Variants in DAB1 observed in about 807,000 individuals in gnomAD.
The protein encoded by DAB1 is DAB adaptor protein 1.
A neutral mutation model predicts 64.6 loss-of-function variants in DAB1; 15 were observed. The ratio of observed to expected loss-of-function variants is 0.23; its 90% CI spans 0.16 to 0.36. DAB1 has a LOEUF of 0.36. DAB1 is among the 10% of genes least tolerant of loss of function. DAB1 has a pLI of 1.00. For synonymous variants in DAB1, 235 were observed against 251.9 expected (o/e 0.93, Z 0.64); for missense variants, 596 against 706.7 (o/e 0.84, Z 1.78).
chr1:58,527,822 C>T (rs60384481), intron 1 of DAB1, among the ~76,000 whole-genome samples: 34 of 152,286 alleles, frequency 2.2e-4, no homozygotes, highest in African/African-American at 6.3e-4. Flanking sequence ...ATCTTAATTT[C>T]CTTTTTCTTT....
At chr1:58,416,169 C>T (rs1433369370) in intron 3 of DAB1, among the ~76,000 whole-genome samples, 1 of 152,116 alleles carries the variant, frequency 6.6e-6, no homozygotes, top group Non-Finnish European at 1.5e-5. Flanking sequence ...ACATAGCATA[C>T]TCATGTCAGA....
At chr1:57,048,043 T>TTAC (rs1415420150) in intron 9 of DAB1, among the ~76,000 whole-genome samples, 1 of 152,228 alleles carries the variant, frequency 6.6e-6, no homozygotes, top group Non-Finnish European at 1.5e-5. Context: ...CTTATGTGCA[T>TTAC]TACTTTATTC....
At chr1:57,030,860 A>G (rs1646944671) in intron 9 of DAB1, among the ~76,000 whole-genome samples, 1 of 152,228 alleles carries the variant, frequency 6.6e-6, no homozygotes, top group Non-Finnish European at 1.5e-5. Context: ...ATTCAAATGA[A>G]GCTTCTGGGC....
chr1:58,024,178 A>G (rs1646854028), intron 5 of DAB1, among the ~76,000 whole-genome samples: 1 of 152,194 alleles, frequency 6.6e-6, no homozygotes, highest in Admixed American at 6.5e-5. Context: ...CAATAGATAT[A>G]GTCATAAGAT....
intron 3 of DAB1, among the ~76,000 whole-genome samples, chr1:58,499,314 CAAAAAAAAA>C (rs58217798): frequency 6.7e-4 from 47 of 69,740 alleles, no homozygotes; most frequent in African/African-American, 9.3e-4. Context: ...CACATCTCTA[CAAAAAAAAA>C]AAAAAAAAAA....
chr1:57,616,147 A>G (rs930959386), intron 7 of DAB1, among the ~76,000 whole-genome samples: 1 of 151,930 alleles, frequency 6.6e-6, no homozygotes, highest in Non-Finnish European at 1.5e-5. Context: ...ACACCCCGAC[A>G]TTTCCTTTGC....
At chr1:58,421,561 G>A (rs1644772266) in intron 3 of DAB1, among the ~76,000 whole-genome samples, 1 of 152,230 alleles carries the variant, frequency 6.6e-6, no homozygotes, top group East Asian at 1.9e-4. Flanking sequence ...AAGGTAGCAG[G>A]AGGAGAGAGA....
intron 6 of DAB1, among the ~76,000 whole-genome samples, chr1:57,783,104 TTC>T (rs1491119525): frequency 3.2e-3 from 257 of 80,976 alleles, no homozygotes; most frequent in African/African-American, 9.3e-3. Flanking sequence ...TCTCTCTCTT[TTC>T]TTTTTTTTTT....
intron 9 of DAB1, among the ~76,000 whole-genome samples, chr1:57,028,719 CAA>C (rs1646868879): frequency 6.6e-6 from 1 of 152,112 alleles, no homozygotes; most frequent in Non-Finnish European, 1.5e-5. Context: ...TATGTTTTAG[CAA>C]AGAGACCAGT....
chr1:57,908,213 A>C (rs910849885), intron 5 of DAB1, among the ~76,000 whole-genome samples: 3 of 152,100 alleles, frequency 2.0e-5, no homozygotes, highest in African/African-American at 7.2e-5. Context: ...CCAGGTCCCC[A>C]GAAGTGTATC....
At chr1:57,192,328 GAA>G (rs10714135) in intron 2 of DAB1, among the ~76,000 whole-genome samples, 18,153 of 142,600 alleles carry the variant, frequency 0.13, 1,702 homozygotes, top group East Asian at 0.28. Flanking sequence ...CTCAAAAGCG[GAA>G]AAAAAAAAAA....
Position 58,255,827 on chromosome 1 carries a change from A to G in DAB1, n.309+87525T>C, listed in dbSNP as rs559330537. On this transcript the variant is annotated intron_variant and non_coding_transcript_variant, in intron 4 of 20. Coordinates refer to the DAB1 transcript ENST00000485760. ...TCAAAACTCAACTACTGCTTGTTAA[A>G]TGTCTCTTCCACTTTCATTTAATTT... Among the ~76,000 whole-genome samples, 6 of 152,350 alleles carry G rather than the reference A, an allele frequency of 3.9e-5. No individual in the cohort carries two copies. The East Asian group carries it at 1.2e-3, about 29-fold the overall frequency.
At chr1:57,905,316 A>G (rs113959054) in intron 5 of DAB1, among the ~76,000 whole-genome samples, 2,151 of 152,030 alleles carry the variant, frequency 0.014, 37 homozygotes, top group African/African-American at 0.041. Context: ...GGTGCAAGGA[A>G]AGGGTATCAC....
chr1:58,127,640 G>A (rs1653207924), intron 5 of DAB1, among the ~76,000 whole-genome samples: 1 of 152,162 alleles, frequency 6.6e-6, no homozygotes, highest in African/African-American at 2.4e-5. Context: ...TTTTGTATAA[G>A]GTGTAAGGAA....
At chr1:57,507,834 T>C (rs1024416074) in intron 7 of DAB1, among the ~76,000 whole-genome samples, 1 of 152,184 alleles carries the variant, frequency 6.6e-6, no homozygotes, top group Non-Finnish European at 1.5e-5. Context: ...CTTCACTCCT[T>C]TTCCCTGCCT....
chr1:57,318,390 T>C (rs1321130740), intron 1 of DAB1, among the ~76,000 whole-genome samples: 3 of 152,124 alleles, frequency 2.0e-5, no homozygotes, highest in Non-Finnish European at 4.4e-5. Context: ...TTTTACAACT[T>C]TATGCCCTTT....
chr1:58,332,078 C>T (rs1388189139), intron 4 of DAB1, among the ~76,000 whole-genome samples: 1 of 152,176 alleles, frequency 6.6e-6, no homozygotes, highest in East Asian at 1.9e-4. Flanking sequence ...TTGACTGACT[C>T]CTGCATCACC....
intron 2 of DAB1, among the ~76,000 whole-genome samples, chr1:57,287,197 G>A (rs486809): frequency 0.39 from 59,625 of 152,084 alleles, 12,214 homozygotes; most frequent in Admixed American, 0.56. Context: ...TCAGCCTCCT[G>A]AGTAGCTGGG....
intron 5 of DAB1, among the ~76,000 whole-genome samples, chr1:57,940,325 C>T (rs1645085001): frequency 6.6e-6 from 1 of 152,186 alleles, no homozygotes; most frequent in East Asian, 1.9e-4. Flanking sequence ...AAGGAAGATA[C>T]AGTTTTTGCT....
Sources: gnomAD v4.1 joint callset for allele counts (sites outside exome capture counted in the v4.1 genomes callset) on GRCh38, gnomAD v4.1.1 for gene constraint, MANE v1.5 for transcripts, NCBI Gene and HGNC (gene_info 2026-07-23, HGNC 2026-07-21) for gene names.